The following IGF2R variants were observed in gnomAD, a reference collection of about 807,000 sequenced individuals.
The protein encoded by IGF2R is insulin like growth factor 2 receptor.
Under a neutral mutation model 270.6 loss-of-function variants are expected in IGF2R, and 91 were observed. The ratio of observed to expected loss-of-function variants is 0.34; its 90% CI spans 0.28 to 0.40. IGF2R has a LOEUF of 0.40. Among genes scored for constraint, IGF2R ranks in the 10% least tolerant of loss-of-function variants. IGF2R has a pLI of 1.00. For missense variants in IGF2R, 2,805 were observed against 3,188.3 expected, an observed-to-expected ratio of 0.88 and a Z score of 2.90; for synonymous variants, 1,316 against 1,258.9, an observed-to-expected ratio of 1.05 and a Z score of -0.96.
chr6:160,040,447 A>AT (rs746524354), intron 10 of IGF2R, 113 bp from the exon 11 acceptor site: 82 of 859,380 alleles, frequency 9.5e-5, no homozygotes, highest in Non-Finnish European at 1.4e-4. Flanking sequence ...CTGGACCTGA[A>AT]TTTTTTAACG....
intron 1 of IGF2R, among the ~76,000 whole-genome samples, chr6:159,984,566 G>T (rs763472802): frequency 6.6e-6 from 1 of 152,184 alleles, no homozygotes; most frequent in Non-Finnish European, 1.5e-5. Flanking sequence ...ACATGTTACA[G>T]TTGCCTGGGG....
intron 27 of IGF2R, among the ~76,000 whole-genome samples, chr6:160,063,982 C>T (rs913547483): frequency 2.6e-5 from 4 of 152,116 alleles, no homozygotes; most frequent in African/African-American, 7.2e-5. Flanking sequence ...GCATTTAGTA[C>T]GAGGTTTGGC....
chr6:159,999,844 A>G (rs959312790), intron 2 of IGF2R, among the ~76,000 whole-genome samples: 2 of 152,242 alleles, frequency 1.3e-5, no homozygotes, highest in African/African-American at 4.8e-5. Context: ...AACATTGGAA[A>G]AAAAATTAGT....
At chr6:159,976,148 G>T (rs1470386065) in intron 1 of IGF2R, among the ~76,000 whole-genome samples, 1 of 152,054 alleles carries the variant, frequency 6.6e-6, no homozygotes, top group African/African-American at 2.4e-5. Context: ...GAATATCATC[G>T]GGGAGGACTT....
chr6:160,047,269 C>T lies in IGF2R; in HGVS notation c.2162C>T (p.Thr721Ile). Residue 721 changes from threonine to isoleucine, a missense_variant, in exon 16 of 48, where the codon ACA becomes ATA. Physicochemically the swap from Thr to Ile is moderately conservative, Grantham distance 89. Around this residue, in one of 2 missense-constraint regions of IGF2R, gnomAD observed 954 missense variants for 981.1 expected, o/e 0.97. Coordinates refer to ENST00000356956, the MANE Select transcript of IGF2R (RefSeq NM_000876.4). ...GGTPYNNERH[T>I]PRATLITFLC... is the part of the protein sequence containing the mutation. ...ACACCCTATAACAATGAAAGACACA[C>T]ACCGAGAGCTACGCTCATCACCTTT... 6.2e-7 allele frequency: 1 copy of T among 1,613,296 alleles called. No individual in the cohort carries two copies. Among genetic ancestry groups the T allele is most frequent in the East Asian group, 2.2e-5 (1 of 44,880 alleles).
intron 45 of IGF2R, among the ~76,000 whole-genome samples, 165 bp downstream of exon 45, chr6:160,096,790 C>T (rs546697089): frequency 1.2e-4 from 19 of 152,216 alleles, no homozygotes; most frequent in East Asian, 1.9e-4. Context: ...TGCCCCGCTC[C>T]GTTGCTTGTC....
intron 41 of IGF2R, 102 bp downstream of exon 41, chr6:160,085,233 T>C (rs752455628): frequency 7.9e-7 from 1 of 1,270,312 alleles, no homozygotes; most frequent in Non-Finnish European, 1.1e-6. Flanking sequence ...TGTGCTTTGG[T>C]GGAAACCTCC....
chr6:159,984,688 G>A (rs1277021447), intron 1 of IGF2R, among the ~76,000 whole-genome samples: 1 of 152,096 alleles, frequency 6.6e-6, no homozygotes, highest in Admixed American at 6.5e-5. Context: ...AGATACACTC[G>A]ATGATGTTTG....
At chr6:160,012,780 T>TATATATATATATATATATATATA (rs1784358825) in intron 4 of IGF2R, among the ~76,000 whole-genome samples, 1 of 141,464 alleles carries the variant, frequency 7.1e-6, no homozygotes, top group Non-Finnish European at 1.5e-5. Flanking sequence ...TTTTTTTTTG[T>TATATATATATATATATATATATA]TTGTTTGTTT....
chr6:160,065,814 G>GTGTGTGTGTATATATATATATATATA, intron 29 of IGF2R, among the ~76,000 whole-genome samples: 2 of 78,382 alleles, frequency 2.6e-5, no homozygotes, highest in Non-Finnish European at 4.7e-5. Context: ...GTGTGTGTGT[G>GTGTGTGTGTATATATATATATATATA]TATATATATA....
rs1779066627 is a variant in IGF2R at position 160,084,896 on chromosome 6, T to C, written c.6069-99T>C. ...AGTGATGGAATGGAGCCCTTAGTTA[T>C]CAGAACCTTTCTCTGAAAGTAAAGT... On this transcript the variant is annotated intron_variant, in intron 40 of 47. Coordinates refer to ENST00000356956, the MANE Select transcript of IGF2R (RefSeq NM_000876.4). The surrounding 1 kb of genome is among the most constrained non-coding windows in gnomAD (Gnocchi z 4.6). The C allele has an allele frequency of 1.7e-6, 2 of 1,176,628 alleles. No homozygotes were observed. The highest frequency in any genetic ancestry group is 1.5e-5 in the South Asian group (1 of 65,666). The allele number at this position is 1,176,628 out of a possible 1,614,324, so 72.9% of individuals were successfully genotyped here.
Position 160,105,070 on chromosome 6 carries a change from C to T in IGF2R, c.7462C>T (p.Leu2488Phe), listed in dbSNP as rs775149509. 15 of 1,587,742 alleles carry T rather than the reference C, an allele frequency of 9.4e-6. No individual in the cohort carries two copies. Among genetic ancestry groups the T allele is most frequent in the Admixed American group, 1.8e-5 (1 of 56,744 alleles). The change falls in exon 48 of 48, where the codon CTC becomes TTC. Residue 2488 changes from leucine (L) to phenylalanine (F), a missense_variant. Coordinates refer to ENST00000356956, the MANE Select transcript of IGF2R (RefSeq NM_000876.4). Reference protein sequence around the residue: ...VSFHDDSDEDLLHI With the variant: ...VSFHDDSDEDFLHI ...CTTCCATGACGACAGCGACGAGGAC[C>T]TCTTACACATCTGACTCCGCAGTGC...
chr6:160,090,991 A>G (rs890112509), intron 44 of IGF2R, among the ~76,000 whole-genome samples: 5 of 146,380 alleles, frequency 3.4e-5, no homozygotes, highest in Admixed American at 6.7e-5. Flanking sequence ...TGCTGAGCGC[A>G]TCGCTGAGAA....
At chr6:160,002,120 G>A (rs1481698484) in intron 2 of IGF2R, among the ~76,000 whole-genome samples, 1 of 152,198 alleles carries the variant, frequency 6.6e-6, no homozygotes, top group African/African-American at 2.4e-5. Context: ...GCCGGGTGTG[G>A]TGGCTCACAC....
chr6:160,030,022 C>T (rs1292473667), intron 7 of IGF2R, among the ~76,000 whole-genome samples: 1 of 152,104 alleles, frequency 6.6e-6, no homozygotes, highest in Non-Finnish European at 1.5e-5. Flanking sequence ...AGTAGAATTT[C>T]AAGCCTGTGA....
chr6:159,994,125 A>G (rs1312577150), intron 2 of IGF2R, among the ~76,000 whole-genome samples: 1 of 148,790 alleles, frequency 6.7e-6, no homozygotes, highest in Non-Finnish European at 1.5e-5. Context: ...TACTGATTCA[A>G]TCTCACTCCT....
chr6:160,027,073 A>T, intron 5 of IGF2R, 112 bp from the exon 6 acceptor site: 1 of 1,197,552 alleles, frequency 8.4e-7, no homozygotes, highest in Non-Finnish European at 1.2e-6. Context: ...ATAGTTACTT[A>T]GGGAGACTTT....
chr6:159,996,586 C>T (rs1784057563), intron 2 of IGF2R, among the ~76,000 whole-genome samples: 1 of 152,176 alleles, frequency 6.6e-6, no homozygotes, highest in Non-Finnish European at 1.5e-5. Flanking sequence ...GTGGGGGTTG[C>T]TCCAGCTCCA....
Position 160,056,433 on chromosome 6 carries a change from C to T in IGF2R, c.2704C>T (p.Pro902Ser), listed in dbSNP as rs1778318665. 6.2e-7 allele frequency: 1 copy of T among 1,612,786 alleles called. No homozygotes were observed. The highest frequency in any genetic ancestry group is 8.5e-7 in the Non-Finnish European group (1 of 1,178,906). The change falls in exon 20 of 48, where the codon CCC becomes TCC. Residue 902 changes from proline (P) to serine (S), a missense_variant. Pro to Ser is a moderately conservative substitution (Grantham distance 74). Transcript: ENST00000356956. ...VCSRGRLNSH[P>S]IFSLNWECVV... ...GGATTTGCCCATTCAGAACAGCCACCCCATCTTTTCTCTCAACTGGGAGTG... is the reference window on the plus strand; with the variant it reads ...GGATTTGCCCATTCAGAACAGCCACTCCATCTTTTCTCTCAACTGGGAGTG...
Sources: gnomAD v4.1 joint callset for allele counts (sites outside exome capture counted in the v4.1 genomes callset) on GRCh38, gnomAD v4.1.1 for gene constraint, gnomAD v4.1.1 regional missense constraint, Gnocchi (gnomAD v3.1) non-coding constraint, MANE v1.5 for transcripts, NCBI Gene and HGNC (gene_info 2026-07-23, HGNC 2026-07-21) for gene names.